EDA: variants seen among roughly 807,000 people sequenced by gnomAD.
EDA encodes the protein ectodysplasin-A.
In EDA, 2 loss-of-function variants were observed where a neutral mutation model predicts 23.6. The ratio of observed to expected loss-of-function variants is 0.08; its 90% CI spans 0.03 to 0.27. The LOEUF (loss-of-function observed/expected upper bound fraction) is 0.27, where lower values mean the gene tolerates loss of function less well. EDA is among the 10% of genes least tolerant of loss of function. EDA has a pLI of 1.00. For missense variants in EDA, 229 were observed against 324.2 expected (o/e 0.71, Z 2.26); for synonymous variants, 131 against 132.0 (o/e 0.99, Z 0.05).
intron 1 of EDA, among the ~76,000 whole-genome samples, chrX:69,667,925 C>G (rs1422280983): frequency 9.0e-6 from 1 of 111,626 alleles, no homozygotes; most frequent in African/African-American, 3.3e-5. Context: ...CCCACTCTCA[C>G]AATAACTAAT....
chrX:69,756,021 G>A (rs897964076), intron 1 of EDA, among the ~76,000 whole-genome samples: 3 of 111,969 alleles, frequency 2.7e-5, no homozygotes, highest in Non-Finnish European at 5.6e-5. Flanking sequence ...CCCGGGTGAG[G>A]CGATGCCCCG....
At chrX:69,875,677 C>G (rs1346150135) in intron 1 of EDA, among the ~76,000 whole-genome samples, 2 of 111,501 alleles carry the variant, frequency 1.8e-5, no homozygotes, top group African/African-American at 6.5e-5. Flanking sequence ...GCAAAAAGAA[C>G]AGTCAGCAGA....
chrX:69,717,258 TGA>T (rs1421019174), intron 1 of EDA, among the ~76,000 whole-genome samples: 2 of 111,233 alleles, frequency 1.8e-5, no homozygotes, highest in African/African-American at 6.6e-5. Context: ...CCTAGGTTAT[TGA>T]GAGTTTTTAA....
chrX:69,887,633 A>C (rs745869365), intron 1 of EDA, among the ~76,000 whole-genome samples: 81 of 112,258 alleles, frequency 7.2e-4, no homozygotes, highest in African/African-American at 2.5e-3. Flanking sequence ...TCCAAGGTAC[A>C]TTATATTCAA....
At chrX:69,902,628 T>C (rs1408275307) in intron 1 of EDA, among the ~76,000 whole-genome samples, 5 of 112,299 alleles carry the variant, frequency 4.5e-5, no homozygotes, top group Non-Finnish European at 9.4e-5. Flanking sequence ...TTCAGAGTTA[T>C]TTGATCTGGC....
intron 1 of EDA, among the ~76,000 whole-genome samples, chrX:69,630,727 A>G (rs1447296196): frequency 8.9e-6 from 1 of 112,114 alleles, no homozygotes; most frequent in Non-Finnish European, 1.9e-5. Flanking sequence ...TATTTTCCAT[A>G]TAGTTGCCCT....
chrX:69,680,840 A>G (rs932412286), intron 1 of EDA, among the ~76,000 whole-genome samples: 2 of 103,667 alleles, frequency 1.9e-5, no homozygotes, highest in Non-Finnish European at 3.9e-5. Context: ...TAATACTGTT[A>G]TGTGTGAATT....
At chrX:69,662,149 A>G (rs530594673) in intron 1 of EDA, among the ~76,000 whole-genome samples, 5 of 111,663 alleles carry the variant, frequency 4.5e-5, no homozygotes, top group African/African-American at 1.6e-4. Context: ...CCCCACCCAT[A>G]GTAATCACTG....
chrX:69,670,533 G>A (rs1199733902), intron 1 of EDA, among the ~76,000 whole-genome samples: 1 of 110,231 alleles, frequency 9.1e-6, no homozygotes, highest in Non-Finnish European at 1.9e-5. Context: ...ATCCCATAAT[G>A]TGAAAGTTTG....
rs1569407075 is a variant in EDA, at chrX:70,035,340, T to G, written c.925-18T>G. On this transcript the variant is annotated intron_variant, in intron 7 of 7. Coordinates refer to ENST00000374552, the MANE Select transcript of EDA (RefSeq NM_001399.5). ...CTTTCCTCTCTTCCCCAATCCCTTC[T>G]TGTTGCCTCTCACTCAGGTATACTA... 8.3e-7 allele frequency: 1 copy of G among 1,206,965 alleles called. No individual in the cohort carries two copies. The highest frequency in any genetic ancestry group is 1.1e-6 in the Non-Finnish European group (1 of 893,275).
At chrX:69,833,140 A>T (rs1260397569) in intron 1 of EDA, among the ~76,000 whole-genome samples, 2 of 111,778 alleles carry the variant, frequency 1.8e-5, no homozygotes, top group Non-Finnish European at 3.8e-5. Flanking sequence ...GAATGCTTCC[A>T]GTTTTTGCCC....
intron 1 of EDA, among the ~76,000 whole-genome samples, chrX:69,853,136 T>C (rs1235968985): frequency 9.0e-6 from 1 of 111,706 alleles, no homozygotes; most frequent in African/African-American, 3.2e-5. Flanking sequence ...TAACAGACTA[T>C]AAAATAATTG....
chrX:69,746,114 CTCT>C (rs2013612521), intron 1 of EDA, among the ~76,000 whole-genome samples: 1 of 111,372 alleles, frequency 9.0e-6, no homozygotes, highest in African/African-American at 3.3e-5. Flanking sequence ...CTCTCATTCT[CTCT>C]TTTGTTCCCT....
chrX:69,782,138 G>T (rs1396746901), intron 1 of EDA, among the ~76,000 whole-genome samples: 3 of 109,230 alleles, frequency 2.7e-5, no homozygotes, highest in African/African-American at 1.0e-4. Flanking sequence ...TCCACTAACG[G>T]AGCCAAATAC....
At chrX:69,678,794 C>G (rs1257374449) in intron 1 of EDA, among the ~76,000 whole-genome samples, 1 of 76,841 alleles carries the variant, frequency 1.3e-5, no homozygotes, top group African/African-American at 5.7e-5. Flanking sequence ...TTCCTCTTTT[C>G]CTAATTGAAT....
rs927114054 is a variant in EDA, at chrX:70,023,325, A to T, written c.526+84A>T. The T allele has an allele frequency of 9.8e-6, 6 of 613,344 alleles. No individual in the cohort carries two copies. In the Admixed American group the frequency reaches 1.1e-4, roughly 11 times the overall value. The allele number at this position is 613,344 out of a possible 1,213,427, so 50.5% of individuals were successfully genotyped here. On this transcript the variant is annotated intron_variant, in intron 3 of 7. Coordinates refer to ENST00000374552, the MANE Select transcript of EDA (RefSeq NM_001399.5). ...AAAAAATCAAGAGTGCGATTTTTGT[A>T]TTATATTCTTTCAGCATTGTCTGTC...
intron 1 of EDA, among the ~76,000 whole-genome samples, chrX:69,799,179 C>G (rs1602420309): frequency 9.0e-6 from 1 of 111,304 alleles, no homozygotes; most frequent in Non-Finnish European, 1.9e-5. Flanking sequence ...TCATCATACA[C>G]AAAAATCAAA....
chrX:70,029,419 A>G, intron 4 of EDA, 85 bp from the exon 5 acceptor site: 1 of 1,076,293 alleles, frequency 9.3e-7, no homozygotes, highest in Non-Finnish European at 1.3e-6. Context: ...TGCAGGGAGC[A>G]TGGCTCACCA....
chrX:69,939,819 C>CATCTGAA (rs2018731010), intron 1 of EDA, among the ~76,000 whole-genome samples: 1 of 111,618 alleles, frequency 9.0e-6, no homozygotes, highest in African/African-American at 3.3e-5. Context: ...TTATCAAACT[C>CATCTGAA]TTTTTTCAGC....
Sources: gnomAD v4.1 joint callset for allele counts (sites outside exome capture counted in the v4.1 genomes callset) on GRCh38, gnomAD v4.1.1 for gene constraint, MANE v1.5 for transcripts, NCBI Gene and HGNC (gene_info 2026-07-23, HGNC 2026-07-21) for gene names.